The following HECW2 variants were observed in gnomAD, a reference collection of about 807,000 sequenced individuals.
HECW2 encodes HECT, C2 and WW domain containing E3 ubiquitin protein ligase 2.
HECW2 carries 61 observed loss-of-function variants against 175.2 expected under a neutral mutation model. The observed-to-expected ratio is 0.35, with a 90% CI of 0.28 to 0.43. The LOEUF is 0.43. HECW2 is among the 20% of genes least tolerant of loss of function. The probability of loss-of-function intolerance (pLI) is 1.00; values close to 1 mark genes in which losing one functional copy is unlikely to be tolerated. For synonymous variants in HECW2, 671 were observed against 731.0 expected, an observed-to-expected ratio of 0.92 and a Z score of 1.32; for missense variants, 1,524 against 2,000.5, an observed-to-expected ratio of 0.76 and a Z score of 4.54.
chr2:196,581,973 A>G (rs4014089), intron 1 of HECW2, among the ~76,000 whole-genome samples: 43,522 of 151,600 alleles, frequency 0.29, 7,460 homozygotes, highest in African/African-American at 0.49. Context: ...GGCTGAGGCA[A>G]GAGAATGATG....
intron 21 of HECW2, among the ~76,000 whole-genome samples, chr2:196,229,872 T>C (rs1470579058): frequency 1.3e-5 from 2 of 152,250 alleles, no homozygotes; most frequent in African/African-American, 4.8e-5. Context: ...TATAAAGTTT[T>C]GATGTGCTAG....
intron 1 of HECW2, among the ~76,000 whole-genome samples, chr2:196,520,625 T>C (rs779403352): frequency 2.6e-5 from 4 of 152,310 alleles, no homozygotes; most frequent in Admixed American, 6.5e-5. Flanking sequence ...CCCCTAAATA[T>C]TGGAGGTTAG....
At chr2:196,474,818 A>G (rs774093539) in intron 1 of HECW2, among the ~76,000 whole-genome samples, 3 of 152,170 alleles carry the variant, frequency 2.0e-5, no homozygotes, top group Non-Finnish European at 4.4e-5. Context: ...TGAGATTTCT[A>G]ATTTCTTCCC....
At position 196,342,568 on chromosome 2, in the gene HECW2, T is replaced by A. The variant is rs975371044; in HGVS notation, c.400+1089A>T. On this transcript the variant is annotated intron_variant, in intron 3 of 28. Transcript: ENST00000644978. ...CAATAATATTGGTGGCAACTATAAA[T>A]AACACCATCACCCAACAGAAAAAGG... is the stretch of plus-strand genomic sequence containing the variant. Among the ~76,000 whole-genome samples the A allele has an allele frequency of 2.6e-5, 4 of 152,294 alleles. No homozygotes were observed. In the East Asian group the frequency reaches 7.7e-4, roughly 29 times the overall value.
intron 25 of HECW2, 50 bp from the exon 26 acceptor site, chr2:196,220,203 T>A (rs759661881): frequency 1.7e-6 from 2 of 1,180,866 alleles, no homozygotes; most frequent in Admixed American, 3.4e-5. Context: ...TGGAGAAATA[T>A]CAGCTATAAT....
At chr2:196,452,946 A>G (rs1314063022) in intron 1 of HECW2, among the ~76,000 whole-genome samples, 1 of 152,172 alleles carries the variant, frequency 6.6e-6, no homozygotes, top group Non-Finnish European at 1.5e-5. Context: ...ACTAAACCCC[A>G]TCTGTAAGAA....
chr2:196,458,727 G>A (rs747218928), intron 1 of HECW2, among the ~76,000 whole-genome samples: 13 of 152,066 alleles, frequency 8.5e-5, no homozygotes, highest in Non-Finnish European at 1.2e-4. Flanking sequence ...TTAGCTGGGC[G>A]TGGTGGTGTG....
rs543588325 is a variant in HECW2, at chr2:196,488,669, T to C, written c.-35-55211A>G. ...ACACACACACACCCCACATAAAACA[T>C]ACCTGATTCCATAAAACTCTAAGGG... On this transcript the variant is annotated intron_variant, in intron 1 of 28. Coordinates refer to ENST00000644978, the MANE Select transcript of HECW2 (RefSeq NM_001348768.2). Among the ~76,000 whole-genome samples, 100 of 151,666 alleles carry C rather than the reference T, an allele frequency of 6.6e-4. 2 individuals are homozygous for C. Among genetic ancestry groups the C allele is most frequent in the Non-Finnish European group, 3.5e-4 (24 of 67,848 alleles).
At chr2:196,304,052 A>G (rs949986988) in intron 13 of HECW2, among the ~76,000 whole-genome samples, 7 of 152,214 alleles carry the variant, frequency 4.6e-5, no homozygotes, top group South Asian at 4.1e-4. Flanking sequence ...AACAGCTAGA[A>G]GGAACTTAAA....
In HECW2 at chr2:196,233,060, G is replaced by A. The variant is rs552145697; in HGVS notation, c.3765-4806C>T. Among the ~76,000 whole-genome samples the A allele has an allele frequency of 2.6e-5, 4 of 152,252 alleles. No individual in the cohort carries two copies. The South Asian group carries it at 8.3e-4, about 32-fold the overall frequency. On this transcript the variant is annotated intron_variant, in intron 21 of 28. Transcript: ENST00000644978. Reference sequence around the variant, plus strand: ...TAACTCAGTAAAACATGTCACAGCAGGGTACATCATGCCTTTGCTTCCTGT... The same window carrying A: ...TAACTCAGTAAAACATGTCACAGCAAGGTACATCATGCCTTTGCTTCCTGT...
chr2:196,566,124 G>C (rs997267663), intron 1 of HECW2, among the ~76,000 whole-genome samples: 1 of 145,836 alleles, frequency 6.9e-6, no homozygotes, highest in Admixed American at 6.8e-5. Flanking sequence ...ATTTTAGAAG[G>C]AAAAAAAAAA....
chr2:196,220,145 A>C lies in HECW2; in HGVS notation c.4302T>G (p.Asp1434Glu). 1 of 1,609,086 alleles carries C rather than the reference A, an allele frequency of 6.2e-7. No homozygotes were observed. The highest frequency in any genetic ancestry group is 1.3e-5 in the African/African-American group (1 of 74,964). Residue 1434 changes from aspartate (D) to glutamate (E), a missense_variant, in exon 26 of 29, where the codon GAT (aspartate) becomes GAG (glutamate). By Grantham distance (45) the Asp-to-Glu change is conservative (BLOSUM62 2). Coordinates refer to ENST00000644978, the MANE Select transcript of HECW2 (RefSeq NM_001348768.2). ...SLVRGFYEVV[D>E]ARLVSVFDAR... ...CATCAAAAACAGATACCAGCCTGGC[A>C]TCCACCACCTGTGGAATAAAAAGAG...
At chr2:196,428,493 C>T (rs1695612753) in intron 2 of HECW2, among the ~76,000 whole-genome samples, 1 of 152,178 alleles carries the variant, frequency 6.6e-6, no homozygotes, top group African/African-American at 2.4e-5. Context: ...TTTTCTTTCA[C>T]TTCCTCTCCA....
chr2:196,431,183 T>C (rs1198351792), intron 2 of HECW2, among the ~76,000 whole-genome samples: 6 of 152,240 alleles, frequency 3.9e-5, no homozygotes, highest in Non-Finnish European at 7.3e-5. Context: ...TCTGCTTTCC[T>C]AGTGACAACC....
chr2:196,204,003 T>C (rs1686968975), intron 28 of HECW2, among the ~76,000 whole-genome samples: 1 of 152,200 alleles, frequency 6.6e-6, no homozygotes, highest in Non-Finnish European at 1.5e-5. Context: ...CTTAGCATAT[T>C]TTAAGGTTGA....
chr2:196,329,476 C>T (rs1420913208), intron 5 of HECW2, 99 bp downstream of exon 5: 20 of 909,306 alleles, frequency 2.2e-5, no homozygotes, highest in Non-Finnish European at 3.1e-5. Context: ...GTTCACATAT[C>T]ATCATATCAT....
chr2:196,274,316 G>T (rs1316387515), intron 15 of HECW2, among the ~76,000 whole-genome samples, 193 bp from the exon 16 acceptor site: 1 of 152,202 alleles, frequency 6.6e-6, no homozygotes, highest in African/African-American at 2.4e-5. Context: ...AAATGGTGGG[G>T]GGAGTTGAGG....
chr2:196,521,387 A>C (rs915140501), intron 1 of HECW2, among the ~76,000 whole-genome samples: 2 of 151,880 alleles, frequency 1.3e-5, no homozygotes, highest in South Asian at 2.1e-4. Context: ...TAGTTATAAA[A>C]AATTTGCTTC....
At chr2:196,587,016 AG>A (rs1251263320) in intron 1 of HECW2, among the ~76,000 whole-genome samples, 28 of 152,328 alleles carry the variant, frequency 1.8e-4, no homozygotes, top group African/African-American at 6.7e-4. Context: ...TTTCTCTCTA[AG>A]GATAATGTTT....
Sources: gnomAD v4.1 joint callset for allele counts (sites outside exome capture counted in the v4.1 genomes callset) on GRCh38, gnomAD v4.1.1 for gene constraint, MANE v1.5 for transcripts, NCBI Gene and HGNC (gene_info 2026-07-23, HGNC 2026-07-21) for gene names.